Variants in GABRB2 observed in about 807,000 individuals in gnomAD.
The protein encoded by GABRB2 is gamma-aminobutyric acid receptor subunit beta-2.
GABRB2 carries 16 observed loss-of-function variants against 54.7 expected under a neutral mutation model. That is an observed-to-expected ratio of 0.29 (90% CI 0.20 to 0.44). GABRB2 has a LOEUF of 0.44. GABRB2 is among the 20% of genes least tolerant of loss of function. GABRB2 has a pLI of 1.00. For missense variants in GABRB2, 355 were observed against 644.0 expected, an observed-to-expected ratio of 0.55 and a Z score of 4.86; for synonymous variants, 244 against 233.8, an observed-to-expected ratio of 1.04 and a Z score of -0.40.
chr5:161,301,543 C>A (rs1174121288), intron 9 of GABRB2, among the ~76,000 whole-genome samples: 1 of 151,870 alleles, frequency 6.6e-6, no homozygotes, highest in African/African-American at 2.4e-5. Context: ...ATTTTTCTGT[C>A]TTGGCATTTT....
At chr5:161,345,771 A>T (rs1754304323) in intron 5 of GABRB2, among the ~76,000 whole-genome samples, 1 of 151,966 alleles carries the variant, frequency 6.6e-6, no homozygotes, top group Non-Finnish European at 1.5e-5. Context: ...GGATTTGTGG[A>T]TGTGTTGGAT....
At chr5:161,463,110 A>G (rs1758162406) in intron 3 of GABRB2, among the ~76,000 whole-genome samples, 1 of 152,072 alleles carries the variant, frequency 6.6e-6, no homozygotes, top group African/African-American at 2.4e-5. Flanking sequence ...CAAACAAGAT[A>G]AAGTAAACCC....
At chr5:161,348,303 G>A (rs763474335) in intron 5 of GABRB2, among the ~76,000 whole-genome samples, 13 of 151,718 alleles carry the variant, frequency 8.6e-5, no homozygotes, top group East Asian at 3.9e-4. Flanking sequence ...TATAAATAAC[G>A]TTTTATGAAG....
chr5:161,425,781 GAC>G (rs1756980246), intron 4 of GABRB2, among the ~76,000 whole-genome samples: 1 of 152,006 alleles, frequency 6.6e-6, no homozygotes, highest in Non-Finnish European at 1.5e-5. Context: ...TGTGCATGAG[GAC>G]ATAGCTTACA....
At chr5:161,504,333 C>T (rs963298227) in intron 3 of GABRB2, among the ~76,000 whole-genome samples, 1 of 152,094 alleles carries the variant, frequency 6.6e-6, no homozygotes, top group African/African-American at 2.4e-5. Context: ...TTTATGAAAA[C>T]TAATGTCATT....
At chr5:161,387,087 A>G (rs1469249851) in intron 5 of GABRB2, among the ~76,000 whole-genome samples, 2 of 152,094 alleles carry the variant, frequency 1.3e-5, no homozygotes, top group Admixed American at 6.6e-5. Context: ...TTTATATATC[A>G]TGATCAAATA....
intron 7 of GABRB2, among the ~76,000 whole-genome samples, chr5:161,331,801 C>A (rs1457058940): frequency 2.0e-5 from 3 of 151,904 alleles, no homozygotes; most frequent in Non-Finnish European, 4.4e-5. Context: ...AGCAAGGGGG[C>A]AATTTGCATT....
chr5:161,410,420 A>ACACACT (rs927095512), intron 5 of GABRB2, among the ~76,000 whole-genome samples: 1 of 150,964 alleles, frequency 6.6e-6, no homozygotes, highest in African/African-American at 2.4e-5. Flanking sequence ...ACACACACAC[A>ACACACT]CACTCACAAT....
At chr5:161,536,814 T>A (rs142808687) in intron 3 of GABRB2, among the ~76,000 whole-genome samples, 2 of 152,090 alleles carry the variant, frequency 1.3e-5, no homozygotes, top group Non-Finnish European at 2.9e-5. Flanking sequence ...GCCAGGCTGG[T>A]CTTGAACTCC....
At chr5:161,382,862 C>T (rs1755510182) in intron 5 of GABRB2, among the ~76,000 whole-genome samples, 1 of 152,176 alleles carries the variant, frequency 6.6e-6, no homozygotes, top group Non-Finnish European at 1.5e-5. Flanking sequence ...AACTCCGTGG[C>T]TACTCAGAGC....
chr5:161,434,711 T>G (rs544735406), intron 4 of GABRB2, among the ~76,000 whole-genome samples: 1 of 152,314 alleles, frequency 6.6e-6, no homozygotes, highest in Non-Finnish European at 1.5e-5. Flanking sequence ...CCAAACAGAT[T>G]ATTTAGAAAT....
chr5:161,393,538 A>C (rs1450067370), intron 5 of GABRB2, among the ~76,000 whole-genome samples: 1 of 151,922 alleles, frequency 6.6e-6, no homozygotes, highest in Non-Finnish European at 1.5e-5. Context: ...ATAAAGATAC[A>C]GATAAAATAA....
intron 5 of GABRB2, among the ~76,000 whole-genome samples, chr5:161,353,985 A>G (rs1754544428): frequency 6.6e-6 from 1 of 152,052 alleles, no homozygotes; most frequent in Non-Finnish European, 1.5e-5. Flanking sequence ...TTATAGAGCT[A>G]CGGTTTTACA....
In GABRB2 at chr5:161,349,152, G is replaced by A. The variant is rs1418179792; in HGVS notation, c.542-12383C>T. Among the ~76,000 whole-genome samples, 8 of 151,962 alleles carry A rather than the reference G, an allele frequency of 5.3e-5. No individual in the cohort carries two copies. The East Asian group carries it at 1.6e-3, about 30-fold the overall frequency. On this transcript the variant is annotated intron_variant, in intron 5 of 9. Transcript: ENST00000393959. ...AACAGTTATGCAGAAAATAGCTCAA[G>A]TAATACAAAAAGCCTTGACCAATAT...
rs55736374 is a variant in GABRB2 at position 161,374,262 on chromosome 5, C to A, written c.541+36713G>T. Among the ~76,000 whole-genome samples, 506 of 152,214 alleles carry A rather than the reference C, an allele frequency of 3.3e-3. 4 individuals carry two copies. Among genetic ancestry groups the A allele is most frequent in the African/African-American group, 0.012 (490 of 41,566 alleles). Reference sequence around the variant, plus strand: ...CCTGGCCCCAGTCTTCTCTTTTGAGCTCTATCCTATTGAATCCAAGTGCCT... The same window carrying A: ...CCTGGCCCCAGTCTTCTCTTTTGAGATCTATCCTATTGAATCCAAGTGCCT... On this transcript the variant is annotated intron_variant, in intron 5 of 9. Transcript: ENST00000393959.
intron 3 of GABRB2, among the ~76,000 whole-genome samples, chr5:161,539,658 T>C (rs1370716301): frequency 1.3e-5 from 2 of 152,194 alleles, no homozygotes; most frequent in Non-Finnish European, 2.9e-5. Context: ...ATTGGGTCTC[T>C]TGAGTTGTCT....
Position 161,330,955 on chromosome 5 carries a change from G to T in GABRB2, c.1005C>A (p.Pro335=). Residue 335 remains proline, a synonymous_variant, in exon 8 of 10, where the codon CCC becomes CCA. Transcript: ENST00000393959. ...TCTCAGCTGCTTTCTTTTGGCGTTG[G>T]GGCCCCCTCCCAAAGAAGATGTAGT... The part of the protein sequence containing the change: ...LVNYIFFGRG[P]QRQKKAAEKA... The T allele has an allele frequency of 1.2e-6, 2 of 1,614,146 alleles. No individual in the cohort carries two copies. Among genetic ancestry groups the T allele is most frequent in the South Asian group, 2.2e-5 (2 of 91,088 alleles).
chr5:161,429,464 T>A (rs966435679), intron 4 of GABRB2, among the ~76,000 whole-genome samples: 2 of 151,364 alleles, frequency 1.3e-5, no homozygotes, highest in African/African-American at 4.9e-5. Context: ...TGATGAAAGA[T>A]ATACCAGATT....
intron 5 of GABRB2, among the ~76,000 whole-genome samples, chr5:161,363,152 G>A (rs1449962557): frequency 6.6e-6 from 1 of 152,170 alleles, no homozygotes. Context: ...CGATAGACTG[G>A]ATAAAGAAAA....
Sources: allele counts gnomAD v4.1 joint callset (sites outside exome capture counted in the v4.1 genomes callset), GRCh38; gene constraint gnomAD v4.1.1; transcripts MANE v1.5; gene names NCBI Gene and HGNC (gene_info 2026-07-23, HGNC 2026-07-21).